ZMAT4: variants seen among roughly 807,000 people sequenced by gnomAD.
The protein encoded by ZMAT4 is zinc finger matrin-type protein 4.
ZMAT4 carries 17 observed loss-of-function variants against 28.7 expected under a neutral mutation model. The ratio of observed to expected loss-of-function variants is 0.59; its 90% CI spans 0.41 to 0.89. The LOEUF (loss-of-function observed/expected upper bound fraction) is 0.89, where lower values mean the gene tolerates loss of function less well. ZMAT4 is among the 40% of genes least tolerant of loss of function. The pLI is 0.00. For missense variants in ZMAT4, 240 were observed against 283.8 expected, an observed-to-expected ratio of 0.85 and a Z score of 1.11; for synonymous variants, 117 against 109.2, an observed-to-expected ratio of 1.07 and a Z score of -0.44.
Position 40,557,404 on chromosome 8 carries a change from C to T in ZMAT4, c.674+23761G>A, listed in dbSNP as rs143747389. Among the ~76,000 whole-genome samples, 6 of 152,320 alleles carry T rather than the reference C, an allele frequency of 3.9e-5. No homozygotes were observed. In the East Asian group the frequency reaches 1.2e-3, roughly 29 times the overall value. ...AATGTCTCAGGCTTATGTCTTTCCT[C>T]TCTGCATTCCAGGGTTTTTTCTAGT... On this transcript the variant is annotated intron_variant, in intron 6 of 6. Coordinates refer to ENST00000297737, the MANE Select transcript of ZMAT4 (RefSeq NM_024645.3).
At chr8:40,565,130 A>T (rs1803873491) in intron 6 of ZMAT4, among the ~76,000 whole-genome samples, 1 of 152,160 alleles carries the variant, frequency 6.6e-6, no homozygotes, top group South Asian at 2.1e-4. Flanking sequence ...TTGATCACAA[A>T]TGTCATTTGC....
chr8:40,672,462 G>A (rs185606904), intron 5 of ZMAT4, among the ~76,000 whole-genome samples: 2 of 152,146 alleles, frequency 1.3e-5, no homozygotes, highest in Non-Finnish European at 2.9e-5. Context: ...AGGACATTGT[G>A]CTCAATGCTA....
At chr8:40,601,509 G>GAAAGAAAGAAAGAAAGAAAGAA (rs781484684) in intron 5 of ZMAT4, among the ~76,000 whole-genome samples, 1 of 105,414 alleles carries the variant, frequency 9.5e-6, no homozygotes, top group African/African-American at 3.7e-5. Context: ...AAGAAAGAAA[G>GAAAGAAAGAAAGAAAGAAAGAA]AGAAAGAGAA....
intron 3 of ZMAT4, among the ~76,000 whole-genome samples, chr8:40,744,367 T>A (rs1385224639): frequency 4.6e-5 from 7 of 152,194 alleles, no homozygotes. Flanking sequence ...GCAAGACACA[T>A]CTGCAGGTGT....
chr8:40,844,411 C>T lies in ZMAT4; in HGVS notation c.-4-18731G>A, dbSNP rs142338500. Reference sequence around the variant, plus strand: ...GAAGGGTGAGTTTGCTCTTTCTCTCCTTGAGCTGAGACATCCATCTTCTCT... The same window carrying T: ...GAAGGGTGAGTTTGCTCTTTCTCTCTTTGAGCTGAGACATCCATCTTCTCT... On this transcript the variant is annotated intron_variant, in intron 1 of 6. Coordinates refer to ENST00000297737, the MANE Select transcript of ZMAT4 (RefSeq NM_024645.3). Among the ~76,000 whole-genome samples the T allele has an allele frequency of 1.1e-4, 16 of 152,244 alleles. No homozygotes were observed. In the East Asian group the frequency reaches 3.1e-3, roughly 29 times the overall value.
chr8:40,849,373 A>G (rs191699393), intron 1 of ZMAT4, among the ~76,000 whole-genome samples: 136 of 152,372 alleles, frequency 8.9e-4, no homozygotes, highest in Admixed American at 1.7e-3. Flanking sequence ...CATATTTATA[A>G]GTAATGACAT....
At chr8:40,829,994 G>A (rs1346247993) in intron 1 of ZMAT4, among the ~76,000 whole-genome samples, 1 of 152,150 alleles carries the variant, frequency 6.6e-6, no homozygotes, top group Non-Finnish European at 1.5e-5. Context: ...GGAAGAAAAA[G>A]AGGCTGGGGG....
chr8:40,735,986 T>A (rs747997901), intron 3 of ZMAT4, among the ~76,000 whole-genome samples: 3 of 152,142 alleles, frequency 2.0e-5, no homozygotes, highest in Non-Finnish European at 4.4e-5. Context: ...AAGCTAAGAA[T>A]CCAAGATGGA....
At chr8:40,779,135 T>C (rs999662576) in intron 2 of ZMAT4, among the ~76,000 whole-genome samples, 1 of 152,148 alleles carries the variant, frequency 6.6e-6, no homozygotes, top group African/African-American at 2.4e-5. Flanking sequence ...CCCCAAATAC[T>C]GTTCTCATGG....
chr8:40,628,517 C>A (rs960058776), intron 5 of ZMAT4, among the ~76,000 whole-genome samples: 4 of 152,140 alleles, frequency 2.6e-5, no homozygotes, highest in African/African-American at 9.7e-5. Context: ...TAGGAAGCCT[C>A]GGCCCTCCCA....
intron 2 of ZMAT4, among the ~76,000 whole-genome samples, chr8:40,769,929 C>T (rs4501564): frequency 0.22 from 33,317 of 151,940 alleles, 3,839 homozygotes; most frequent in Non-Finnish European, 0.25. Flanking sequence ...AAAATAAATG[C>T]CAAGCTCTGA....
chr8:40,729,205 T>C (rs527462683), intron 3 of ZMAT4, among the ~76,000 whole-genome samples: 38 of 152,336 alleles, frequency 2.5e-4, no homozygotes, highest in African/African-American at 9.1e-4. Context: ...TAGGACATGA[T>C]GTCTTTAGTA....
intron 3 of ZMAT4, among the ~76,000 whole-genome samples, chr8:40,723,542 CAAAAA>C (rs58513087): frequency 1.0e-3 from 68 of 66,854 alleles, no homozygotes; most frequent in South Asian, 9.9e-3. Context: ...GATTCCATCT[CAAAAA>C]AAAAAAAAAA....
chr8:40,597,856 CT>C (rs1466127134), intron 5 of ZMAT4, among the ~76,000 whole-genome samples: 1 of 152,128 alleles, frequency 6.6e-6, no homozygotes, highest in Non-Finnish European at 1.5e-5. Context: ...CCAAATGATT[CT>C]TTTTCTTTAA....
intron 2 of ZMAT4, among the ~76,000 whole-genome samples, chr8:40,794,974 G>A (rs1347692873): frequency 6.6e-6 from 1 of 152,076 alleles, no homozygotes; most frequent in East Asian, 1.9e-4. Flanking sequence ...CTCAGAAGAG[G>A]GAGGGTGACA....
chr8:40,554,515 C>A (rs1465653349), intron 6 of ZMAT4, among the ~76,000 whole-genome samples: 1 of 152,188 alleles, frequency 6.6e-6, no homozygotes, highest in Non-Finnish European at 1.5e-5. Context: ...GGAAATCAAG[C>A]AAAAACCTTT....
intron 5 of ZMAT4, among the ~76,000 whole-genome samples, chr8:40,617,209 T>C (rs1203371692): frequency 2.0e-5 from 3 of 152,220 alleles, no homozygotes; most frequent in Non-Finnish European, 4.4e-5. Flanking sequence ...GTACTTCCCA[T>C]GTAGCTTTTT....
At chr8:40,686,708 AT>A (rs1233857528) in intron 4 of ZMAT4, among the ~76,000 whole-genome samples, 1 of 152,220 alleles carries the variant, frequency 6.6e-6, no homozygotes, top group African/African-American at 2.4e-5. Flanking sequence ...ATGAAATATC[AT>A]TTTGAAATAA....
intron 5 of ZMAT4, among the ~76,000 whole-genome samples, chr8:40,625,912 G>A (rs1487897261): frequency 6.6e-6 from 1 of 152,122 alleles, no homozygotes; most frequent in African/African-American, 2.4e-5. Flanking sequence ...GGGAGTTTGA[G>A]ATCAGCCTGG....
Sources: gnomAD v4.1 joint callset for allele counts (sites outside exome capture counted in the v4.1 genomes callset) on GRCh38, gnomAD v4.1.1 for gene constraint, MANE v1.5 for transcripts, NCBI Gene and HGNC (gene_info 2026-07-23, HGNC 2026-07-21) for gene names.